Variants in VWA8 observed in about 807,000 individuals in gnomAD.
VWA8 encodes von Willebrand factor A domain containing 8, also known as von Willebrand factor A domain-containing protein 8.
A neutral mutation model predicts 241.5 loss-of-function variants in VWA8; 221 were observed. The observed-to-expected ratio is 0.91, with a 90% CI of 0.82 to 1.02. VWA8 has a LOEUF of 1.02. Among genes scored for constraint, VWA8 ranks in the 50% least tolerant of loss-of-function variants. The probability of loss-of-function intolerance (pLI) is 0.00; values close to 1 mark genes in which losing one functional copy is unlikely to be tolerated. For missense variants in VWA8, 2,322 were observed against 2,328.7 expected (o/e 1.00, Z 0.06); for synonymous variants, 852 against 827.1 (o/e 1.03, Z -0.52).
chr13:41,873,494 A>C (rs1012743728), intron 9 of VWA8, among the ~76,000 whole-genome samples: 1 of 152,192 alleles, frequency 6.6e-6, no homozygotes, highest in African/African-American at 2.4e-5. Flanking sequence ...AAAAATGATA[A>C]AGGGGATATC....
intron 37 of VWA8, among the ~76,000 whole-genome samples, chr13:41,641,431 T>C (rs1404840102): frequency 6.6e-6 from 1 of 152,224 alleles, no homozygotes; most frequent in Non-Finnish European, 1.5e-5. Flanking sequence ...GCAATGCTAG[T>C]CCCAGTCAGG....
chr13:41,652,793 A>G (rs1593675795), intron 37 of VWA8, among the ~76,000 whole-genome samples: 1 of 152,200 alleles, frequency 6.6e-6, no homozygotes, highest in Non-Finnish European at 1.5e-5. Context: ...TTGATAGCCA[A>G]AAGATCTTCT....
intron 13 of VWA8, 89 bp downstream of exon 13, chr13:41,833,282 A>T: frequency 7.0e-7 from 1 of 1,423,526 alleles, no homozygotes; most frequent in Non-Finnish European, 9.2e-7. Flanking sequence ...CAGTTTAAAA[A>T]AAAGAAAAAG....
At chr13:41,642,743 A>G (rs915670484) in intron 37 of VWA8, among the ~76,000 whole-genome samples, 6 of 151,436 alleles carry the variant, frequency 4.0e-5, no homozygotes, top group African/African-American at 1.5e-4. Flanking sequence ...AGCCTGACCA[A>G]CAAGGTGAAA....
At chr13:41,660,879 CT>C (rs918525375) in intron 37 of VWA8, among the ~76,000 whole-genome samples, 447 of 140,852 alleles carry the variant, frequency 3.2e-3, no homozygotes, top group Middle Eastern at 7.6e-3. Flanking sequence ...AATTGGGTTT[CT>C]TTTTTTTTTT....
intron 37 of VWA8, among the ~76,000 whole-genome samples, chr13:41,640,453 T>C (rs2044788320): frequency 6.6e-6 from 1 of 151,804 alleles, no homozygotes; most frequent in South Asian, 2.1e-4. Flanking sequence ...TAAACCTGAA[T>C]GTTTTAAGCC....
chr13:41,653,657 A>T (rs1429373663), intron 37 of VWA8, among the ~76,000 whole-genome samples: 2 of 152,210 alleles, frequency 1.3e-5, no homozygotes, highest in Admixed American at 6.5e-5. Flanking sequence ...CCAACTTCAA[A>T]CTATACTACA....
intron 17 of VWA8, among the ~76,000 whole-genome samples, chr13:41,805,729 G>C (rs542611757): frequency 6.6e-6 from 1 of 152,016 alleles, no homozygotes. Flanking sequence ...CAGGAGAATC[G>C]CTTGAACCTG....
chr13:41,902,430 C>T (rs768320943), intron 4 of VWA8, among the ~76,000 whole-genome samples: 1 of 152,116 alleles, frequency 6.6e-6, no homozygotes, highest in African/African-American at 2.4e-5. Context: ...TTTTTCAGTT[C>T]TTTCGTATGC....
intron 4 of VWA8, among the ~76,000 whole-genome samples, chr13:41,905,744 A>G (rs1021584043): frequency 3.3e-5 from 5 of 152,074 alleles, no homozygotes; most frequent in African/African-American, 1.2e-4. Context: ...CGTTTTTAGT[A>G]AGAGTACTAC....
chr13:41,699,041 C>T (rs200823515), intron 29 of VWA8, 30 bp downstream of exon 29: 2 of 1,613,046 alleles, frequency 1.2e-6, no homozygotes, highest in African/African-American at 2.7e-5. Flanking sequence ...TAAGTCATTC[C>T]TCACATAATT....
intron 21 of VWA8, among the ~76,000 whole-genome samples, chr13:41,750,413 C>A (rs1270227386): frequency 6.8e-6 from 1 of 147,832 alleles, no homozygotes; most frequent in African/African-American, 2.5e-5. Context: ...ATCCTGGTGA[C>A]AGAGCGAGAC....
At chr13:41,731,209 C>T (rs1440259964) in intron 22 of VWA8, among the ~76,000 whole-genome samples, 1 of 151,806 alleles carries the variant, frequency 6.6e-6, no homozygotes, top group Non-Finnish European at 1.5e-5. Flanking sequence ...GGGGTCTGGA[C>T]CACAGAGGTT....
intron 2 of VWA8, among the ~76,000 whole-genome samples, chr13:41,918,935 GA>G (rs1242513225): frequency 6.6e-6 from 1 of 152,016 alleles, no homozygotes; most frequent in Non-Finnish European, 1.5e-5. Flanking sequence ...AAGATCTTTG[GA>G]AAATCTCCAA....
chr13:41,941,034 T>C (rs1877572872), intron 2 of VWA8, among the ~76,000 whole-genome samples: 1 of 152,176 alleles, frequency 6.6e-6, no homozygotes, highest in African/African-American at 2.4e-5. Flanking sequence ...TTTGATTACC[T>C]AGAGGGTGAA....
intron 2 of VWA8, among the ~76,000 whole-genome samples, chr13:41,922,005 G>T (rs1208088674): frequency 6.6e-6 from 1 of 152,154 alleles, no homozygotes; most frequent in Non-Finnish European, 1.5e-5. Context: ...GAACAAAGCT[G>T]GAGGCATCAC....
rs777964091 is a variant in VWA8, at chr13:41,821,247, G to A, written c.1701-1861C>T. ...GCTTTTTAGTATTGACTCCAGCAGC[G>A]TTCTTAAGTAAGCTGGCCAAATTTG... On this transcript the variant is annotated intron_variant, in intron 14 of 44. Coordinates refer to ENST00000379310, the MANE Select transcript of VWA8 (RefSeq NM_015058.2). 2.6e-5 allele frequency among the ~76,000 whole-genome samples: 4 copies of A among 152,214 alleles called. No individual in the cohort carries two copies. In the East Asian group the frequency reaches 5.8e-4, roughly 22 times the overall value.
At chr13:41,696,268 A>G (rs561840668) in intron 29 of VWA8, 1 of 152,358 alleles carries the variant, frequency 6.6e-6, no homozygotes, top group South Asian at 2.1e-4. Context: ...AAAAATACTT[A>G]TAACTCAGAA....
At chr13:41,700,393 C>T (rs954559284) in intron 28 of VWA8, among the ~76,000 whole-genome samples, 4 of 151,688 alleles carry the variant, frequency 2.6e-5, no homozygotes, top group African/African-American at 4.9e-5. Context: ...TGAAAAAGAC[C>T]TATTTTTTTA....
Sources: allele counts gnomAD v4.1 joint callset (sites outside exome capture counted in the v4.1 genomes callset), GRCh38; gene constraint gnomAD v4.1.1; transcripts MANE v1.5; gene names NCBI Gene and HGNC (gene_info 2026-07-23, HGNC 2026-07-21).